The following CHCHD3 variants were observed in gnomAD, a reference collection of about 807,000 sequenced individuals.
CHCHD3 encodes the protein coiled-coil-helix-coiled-coil-helix domain containing 3.
Under a neutral mutation model 38.2 loss-of-function variants are expected in CHCHD3, and 20 were observed. The ratio of observed to expected loss-of-function variants is 0.52; its 90% CI spans 0.37 to 0.76. CHCHD3 has a LOEUF of 0.76. CHCHD3 is among the 30% of genes least tolerant of loss of function. The pLI is 0.00. For synonymous variants in CHCHD3, 82 were observed against 100.0 expected, an observed-to-expected ratio of 0.82 and a Z score of 1.07; for missense variants, 245 against 279.2, an observed-to-expected ratio of 0.88 and a Z score of 0.87.
rs150813134 is a variant in CHCHD3, at chr7:132,874,297, T to C, written c.453+11365A>G. Among the ~76,000 whole-genome samples, 95 of 152,358 alleles carry C rather than the reference T, an allele frequency of 6.2e-4. 2 individuals carry two copies. The East Asian group carries it at 0.017, about 27-fold the overall frequency. ...ATTAAATTGCAGAGCATGTGATTAC[T>C]GACCATCATCAAACTTATTCTCCAG... On this transcript the variant is annotated intron_variant, in intron 5 of 7. Transcript: ENST00000262570.
intron 6 of CHCHD3, among the ~76,000 whole-genome samples, chr7:132,825,037 TAA>T (rs769307601): frequency 6.6e-6 from 1 of 152,228 alleles, no homozygotes; most frequent in Non-Finnish European, 1.5e-5. Context: ...CTTTTAGTAA[TAA>T]TTCCTGCATC....
chr7:132,900,478 G>A (rs942516114), intron 4 of CHCHD3, among the ~76,000 whole-genome samples: 1 of 152,058 alleles, frequency 6.6e-6, no homozygotes, highest in Non-Finnish European at 1.5e-5. Context: ...CCCAGTGAAT[G>A]GAACTCTAGT....
intron 5 of CHCHD3, among the ~76,000 whole-genome samples, chr7:132,851,084 G>T (rs756231538): frequency 1.3e-5 from 2 of 152,038 alleles, no homozygotes; most frequent in African/African-American, 2.4e-5. Flanking sequence ...AAAACAGAAA[G>T]GTACAAAACA....
At chr7:133,043,999 C>T (rs375586708) in intron 2 of CHCHD3, among the ~76,000 whole-genome samples, 1 of 152,188 alleles carries the variant, frequency 6.6e-6, no homozygotes, top group East Asian at 1.9e-4. Flanking sequence ...CATTAACCTG[C>T]TTTTCAGCAT....
In CHCHD3 at chr7:132,796,474, G is replaced by A. The variant is rs890757585; in HGVS notation, c.628C>T (p.Gln210Ter). ...GCATGATTGACACAGTGCATATACTGGGTGGCCAGAGCGGAGCATTTGAGG... is the reference window on the plus strand; with the variant it reads ...GCATGATTGACACAGTGCATATACTAGGTGGCCAGAGCGGAGCATTTGAGG... ...QTLKCSALAT[Q>*]YMHCVNHAKQ... Residue 210 changes from glutamine (Q) to a stop codon, truncating the protein, a stop_gained, in exon 7 of 8, where the codon CAG becomes TAG. Transcript: ENST00000262570. LOFTEE classifies it high-confidence loss of function. 3 of 1,613,912 alleles carry A rather than the reference G, an allele frequency of 1.9e-6. No homozygotes were observed. The highest frequency in any genetic ancestry group is 1.3e-5 in the African/African-American group (1 of 75,014).
chr7:132,932,589 T>G (rs978816367), intron 4 of CHCHD3, among the ~76,000 whole-genome samples: 2 of 152,252 alleles, frequency 1.3e-5, no homozygotes, highest in African/African-American at 4.8e-5. Context: ...TAGTGAGGAT[T>G]CACAAGTTAA....
At chr7:132,856,160 G>A (rs1808338443) in intron 5 of CHCHD3, among the ~76,000 whole-genome samples, 1 of 152,106 alleles carries the variant, frequency 6.6e-6, no homozygotes, top group South Asian at 2.1e-4. Flanking sequence ...TCCTTCCAAG[G>A]CCCATCTCAT....
At chr7:132,910,792 G>A (rs1585629138) in intron 4 of CHCHD3, among the ~76,000 whole-genome samples, 1 of 152,202 alleles carries the variant, frequency 6.6e-6, no homozygotes, top group African/African-American at 2.4e-5. Flanking sequence ...CATAGCAGAC[G>A]TTGCTCAGCC....
chr7:132,830,584 T>C (rs1008776418), intron 6 of CHCHD3: 3 of 152,164 alleles, frequency 2.0e-5, no homozygotes, highest in African/African-American at 7.2e-5. Context: ...GCCTGAGGAA[T>C]TTTGTGTTCT....
At chr7:133,026,879 T>TA (rs2117446474) in intron 2 of CHCHD3, among the ~76,000 whole-genome samples, 1 of 151,828 alleles carries the variant, frequency 6.6e-6, no homozygotes, top group African/African-American at 2.4e-5. Flanking sequence ...AAGCAGAAAA[T>TA]AGAGAATGAC....
chr7:133,068,137 G>A (rs1385923476), intron 2 of CHCHD3, among the ~76,000 whole-genome samples: 3 of 151,820 alleles, frequency 2.0e-5, no homozygotes, highest in East Asian at 1.9e-4. Context: ...AAATAAAAAC[G>A]TGGCTTATTT....
At chr7:132,826,347 A>G (rs1236744848) in intron 6 of CHCHD3, among the ~76,000 whole-genome samples, 1 of 152,238 alleles carries the variant, frequency 6.6e-6, no homozygotes, top group African/African-American at 2.4e-5. Context: ...ATACTAAAAA[A>G]GGAGGTTTTA....
intron 3 of CHCHD3, among the ~76,000 whole-genome samples, chr7:132,977,619 T>A (rs1435091128): frequency 6.6e-6 from 1 of 152,250 alleles, no homozygotes; most frequent in Non-Finnish European, 1.5e-5. Context: ...ATGGATCAAC[T>A]ACTAAGCACT....
intron 5 of CHCHD3, among the ~76,000 whole-genome samples, chr7:132,872,518 A>C (rs1417470269): frequency 6.6e-6 from 1 of 152,246 alleles, no homozygotes; most frequent in Non-Finnish European, 1.5e-5. Flanking sequence ...CCTCAGAGGA[A>C]TAAGACCCAG....
At chr7:133,072,260 C>G (rs1351580457) in intron 1 of CHCHD3, among the ~76,000 whole-genome samples, 1 of 11,218 alleles carries the variant, frequency 8.9e-5, no homozygotes, top group Non-Finnish European at 6.4e-4. Context: ...CTTTAATAAA[C>G]TTTAAAAAAA....
chr7:133,036,345 A>G (rs1193172074), intron 2 of CHCHD3, among the ~76,000 whole-genome samples: 17 of 152,352 alleles, frequency 1.1e-4, no homozygotes, highest in East Asian at 5.8e-4. Context: ...TTATACATAT[A>G]TAATATTTAA....
intron 2 of CHCHD3, among the ~76,000 whole-genome samples, chr7:133,055,234 T>C (rs1405396115): frequency 1.4e-5 from 2 of 147,838 alleles, no homozygotes; most frequent in Non-Finnish European, 3.0e-5. Context: ...ATTTTGCATA[T>C]ACTTATATGT....
intron 2 of CHCHD3, among the ~76,000 whole-genome samples, chr7:133,039,905 G>A (rs1287972577): frequency 6.6e-6 from 1 of 152,146 alleles, no homozygotes; most frequent in African/African-American, 2.4e-5. Flanking sequence ...CATGACACAG[G>A]CTCAAGGATA....
intron 4 of CHCHD3, among the ~76,000 whole-genome samples, chr7:132,946,882 G>T (rs1014100232): frequency 6.6e-6 from 1 of 151,780 alleles, no homozygotes; most frequent in Non-Finnish European, 1.5e-5. Flanking sequence ...GTTTCTTAAT[G>T]TTCAAATCCA....
Sources: gnomAD v4.1 joint callset for allele counts (sites outside exome capture counted in the v4.1 genomes callset) on GRCh38, gnomAD v4.1.1 for gene constraint, MANE v1.5 for transcripts, NCBI Gene and HGNC (gene_info 2026-07-23, HGNC 2026-07-21) for gene names.